The following MEF2C variants were observed in gnomAD, a reference collection of about 807,000 sequenced individuals.
MEF2C encodes myocyte-specific enhancer factor 2C.
MEF2C carries 6 observed loss-of-function variants against 50.5 expected under a neutral mutation model. That is an observed-to-expected ratio of 0.12 (90% CI 0.07 to 0.23). MEF2C has a LOEUF of 0.23. Among genes scored for constraint, MEF2C ranks in the 10% least tolerant of loss-of-function variants. The pLI is 1.00. For missense variants in MEF2C, 276 were observed against 605.0 expected (o/e 0.46, Z 5.70); for synonymous variants, 183 against 228.0 (o/e 0.80, Z 1.78).
chr5:88,854,421 T>TTTAAAAACTAAAG (rs1175856182), intron 1 of MEF2C, among the ~76,000 whole-genome samples: 3 of 152,178 alleles, frequency 2.0e-5, no homozygotes, highest in Non-Finnish European at 2.9e-5. Flanking sequence ...GGAAAGATAC[T>TTTAAAAACTAAAG]TTAAAAATTA....
chr5:88,748,180 T>A, intron 6 of MEF2C: 1 of 983,714 alleles, frequency 1.0e-6, no homozygotes, highest in Non-Finnish European at 1.2e-6. Context: ...ATCTTCTTTC[T>A]TATAATTAGC....
At chr5:88,780,412 C>T (rs927808617) in intron 3 of MEF2C, among the ~76,000 whole-genome samples, 2 of 152,152 alleles carry the variant, frequency 1.3e-5, no homozygotes, top group African/African-American at 4.8e-5. Context: ...TCTTGAAAAT[C>T]TTCAGAGTGT....
intron 3 of MEF2C, among the ~76,000 whole-genome samples, chr5:88,791,234 C>T (rs910620984): frequency 6.6e-6 from 1 of 152,110 alleles, no homozygotes; most frequent in Non-Finnish European, 1.5e-5. Context: ...TGACAATTAT[C>T]ATCCAGGCTA....
At chr5:88,835,855 A>G (rs1814894548) in intron 1 of MEF2C, among the ~76,000 whole-genome samples, 1 of 151,972 alleles carries the variant, frequency 6.6e-6, no homozygotes, top group South Asian at 2.1e-4. Flanking sequence ...ATTCTAATAA[A>G]TAGAAAATTA....
chr5:88,789,110 TAA>T (rs1012738487), intron 3 of MEF2C, among the ~76,000 whole-genome samples: 7 of 152,174 alleles, frequency 4.6e-5, no homozygotes, highest in East Asian at 3.8e-4. Flanking sequence ...AATTATAAAA[TAA>T]GTTACTATTA....
intron 1 of MEF2C, among the ~76,000 whole-genome samples, chr5:88,835,155 A>G (rs1318462579): frequency 6.6e-6 from 1 of 152,212 alleles, no homozygotes; most frequent in Non-Finnish European, 1.5e-5. Context: ...ACCATGAAGA[A>G]TCTGATAAAT....
At chr5:88,802,022 C>T (rs781561685) in intron 3 of MEF2C, among the ~76,000 whole-genome samples, 23 of 152,280 alleles carry the variant, frequency 1.5e-4, no homozygotes, top group African/African-American at 4.1e-4. Flanking sequence ...TTGAACAGGA[C>T]GGACCCACAA....
At chr5:88,797,324 A>G (rs1796397221) in intron 3 of MEF2C, among the ~76,000 whole-genome samples, 1 of 152,018 alleles carries the variant, frequency 6.6e-6, no homozygotes. Context: ...TTGGGTGCCT[A>G]TATATTTAAG....
At chr5:88,821,262 G>T (rs533438177) in intron 2 of MEF2C, among the ~76,000 whole-genome samples, 1 of 151,270 alleles carries the variant, frequency 6.6e-6, no homozygotes, top group Admixed American at 6.8e-5. Context: ...AAGATTCTTT[G>T]TTTGTTTGTT....
chr5:88,752,392 T>C (rs189498977), intron 4 of MEF2C, among the ~76,000 whole-genome samples: 3 of 152,350 alleles, frequency 2.0e-5, no homozygotes, highest in East Asian at 1.9e-4. Context: ...AGGTGCCTGA[T>C]TGTGATGACT....
At chr5:88,794,627 C>T (rs1453633850) in intron 3 of MEF2C, among the ~76,000 whole-genome samples, 2 of 152,262 alleles carry the variant, frequency 1.3e-5, no homozygotes, top group Non-Finnish European at 2.9e-5. Flanking sequence ...TTCTGCTGTG[C>T]AGAAGCTCTT....
chr5:88,850,542 T>C (rs1820945491), intron 1 of MEF2C, among the ~76,000 whole-genome samples: 1 of 152,066 alleles, frequency 6.6e-6, no homozygotes, highest in Admixed American at 6.6e-5. Context: ...CCAAAGTAGA[T>C]GAGGGTATGG....
intron 1 of MEF2C, among the ~76,000 whole-genome samples, chr5:88,876,722 G>GA (rs938651368): frequency 6.6e-6 from 1 of 151,756 alleles, no homozygotes; most frequent in African/African-American, 2.4e-5. Context: ...TCACAGGTGT[G>GA]AAAAAAAGAC....
intron 1 of MEF2C, among the ~76,000 whole-genome samples, chr5:88,894,823 C>T (rs946449508): frequency 6.6e-6 from 1 of 152,054 alleles, no homozygotes; most frequent in Non-Finnish European, 1.5e-5. Flanking sequence ...AGTTATAGAT[C>T]ATGTATAAAC....
At chr5:88,865,812 G>A (rs1382480602) in intron 1 of MEF2C, among the ~76,000 whole-genome samples, 1 of 152,116 alleles carries the variant, frequency 6.6e-6, no homozygotes, top group Non-Finnish European at 1.5e-5. Flanking sequence ...CATCGTAAGT[G>A]ACAGGAAGGC....
At chr5:88,875,282 T>G (rs1157497526) in intron 1 of MEF2C, among the ~76,000 whole-genome samples, 1 of 151,968 alleles carries the variant, frequency 6.6e-6, no homozygotes, top group Non-Finnish European at 1.5e-5. Flanking sequence ...GCTCACATTT[T>G]CTCCCCCTGT....
intron 1 of MEF2C, among the ~76,000 whole-genome samples, chr5:88,880,215 GA>G (rs1320920484): frequency 6.6e-6 from 1 of 151,868 alleles, no homozygotes; most frequent in African/African-American, 2.4e-5. Context: ...ATAAGTTTTA[GA>G]TATTAATTTG....
chr5:88,772,832 G>A, intron 3 of MEF2C: 1 of 985,366 alleles, frequency 1.0e-6, no homozygotes, highest in Non-Finnish European at 1.2e-6. Flanking sequence ...CAATGAGCAG[G>A]GAGGGTCTCT....
chr5:88,846,439 A>T (rs951022263), intron 1 of MEF2C, among the ~76,000 whole-genome samples: 1 of 152,242 alleles, frequency 6.6e-6, no homozygotes, highest in Non-Finnish European at 1.5e-5. Flanking sequence ...TGACAGCAGC[A>T]ATACCATGTA....
Sources: allele counts gnomAD v4.1 joint callset (sites outside exome capture counted in the v4.1 genomes callset), GRCh38; gene constraint gnomAD v4.1.1; transcripts MANE v1.5; gene names NCBI Gene and HGNC (gene_info 2026-07-23, HGNC 2026-07-21).